Variants in MCF2L2 observed in about 807,000 individuals in gnomAD.
MCF2L2 encodes probable guanine nucleotide exchange factor MCF2L2.
Under a neutral mutation model 150.2 loss-of-function variants are expected in MCF2L2, and 102 were observed. The observed-to-expected ratio is 0.68, with a 90% CI of 0.58 to 0.80. MCF2L2 has a LOEUF of 0.80. Ranked by LOEUF, MCF2L2 falls within the 30% of genes least tolerant of loss-of-function variation. The probability of loss-of-function intolerance (pLI) is 0.00; values close to 1 mark genes in which losing one functional copy is unlikely to be tolerated. For missense variants in MCF2L2, 1,256 were observed against 1,372.8 expected, an observed-to-expected ratio of 0.91 and a Z score of 1.34; for synonymous variants, 465 against 491.3, an observed-to-expected ratio of 0.95 and a Z score of 0.71.
chr3:183,398,598 T>C (rs1384158054), intron 1 of MCF2L2, among the ~76,000 whole-genome samples: 2 of 152,034 alleles, frequency 1.3e-5, no homozygotes, highest in African/African-American at 4.8e-5. Flanking sequence ...GGACAGTCAG[T>C]GGAAAAGCAA....
intron 14 of MCF2L2, among the ~76,000 whole-genome samples, chr3:183,285,010 A>C (rs73066016): frequency 1.1e-3 from 172 of 152,336 alleles, no homozygotes; most frequent in African/African-American, 4.1e-3. Flanking sequence ...AATATTAATA[A>C]AACTTTTGGG....
In MCF2L2 at chr3:183,220,091, G is replaced by A. The variant is rs143610395; in HGVS notation, c.2302-167C>T. 2.7e-3 allele frequency among the ~76,000 whole-genome samples: 407 copies of A among 152,314 alleles called. 2 individuals are homozygous for A. The highest frequency in any genetic ancestry group is 9.1e-3 in the African/African-American group (380 of 41,566). On this transcript the variant is annotated intron_variant, in intron 20 of 29. Coordinates refer to ENST00000328913, the MANE Select transcript of MCF2L2 (RefSeq NM_015078.4). ...GAATAAATGATGTATTTGGCACAGG[G>A]TCCTTTCCACAAACCTAGAATCATA...
chr3:183,294,214 C>T (rs898688697), intron 13 of MCF2L2, among the ~76,000 whole-genome samples: 3 of 152,164 alleles, frequency 2.0e-5, no homozygotes, highest in East Asian at 1.9e-4. Flanking sequence ...GGCATAAGAA[C>T]TTACCTATTT....
At chr3:183,201,078 T>G (rs1415533763) in intron 25 of MCF2L2, among the ~76,000 whole-genome samples, 3 of 152,252 alleles carry the variant, frequency 2.0e-5, no homozygotes, top group Admixed American at 6.5e-5. Flanking sequence ...AGCTTTGTTC[T>G]TTTGGCTTAG....
At chr3:183,411,237 T>C (rs998348046) in intron 1 of MCF2L2, among the ~76,000 whole-genome samples, 10 of 152,350 alleles carry the variant, frequency 6.6e-5, no homozygotes, top group Admixed American at 5.9e-4. Context: ...AAGTTGATTA[T>C]AATAATTATT....
Position 183,428,152 on chromosome 3 carries a change from G to A in MCF2L2, c.-175C>T. 3.4e-6 allele frequency: 2 copies of A among 592,076 alleles called. No individual in the cohort carries two copies. Among genetic ancestry groups the A allele is most frequent in the Non-Finnish European group, 6.0e-6 (2 of 334,818 alleles). 36.7% of individuals were successfully genotyped at this position (592,076 alleles called of 1,614,324 possible). ...GCCTAGGCCAGCTCTCCCTCGCCACGCCCCGCGGGGGCTCCCGTGACAGAC... is the reference window on the plus strand; with the variant it reads ...GCCTAGGCCAGCTCTCCCTCGCCACACCCCGCGGGGGCTCCCGTGACAGAC... On this transcript the variant is annotated 5_prime_UTR_variant, in exon 1 of 30. Coordinates refer to ENST00000328913, the MANE Select transcript of MCF2L2 (RefSeq NM_015078.4). This position sits in a 1 kb window ranked among gnomAD's most constrained non-coding sequence, Gnocchi z 5.1.
chr3:183,194,635 A>T (rs573357017), intron 26 of MCF2L2, among the ~76,000 whole-genome samples: 1 of 152,288 alleles, frequency 6.6e-6, no homozygotes, highest in East Asian at 1.9e-4. Flanking sequence ...GAACTGGCAG[A>T]TCTACCTCAA....
At chr3:183,390,682 A>C (rs780227967) in intron 1 of MCF2L2, among the ~76,000 whole-genome samples, 1 of 152,226 alleles carries the variant, frequency 6.6e-6, no homozygotes, top group Non-Finnish European at 1.5e-5. Flanking sequence ...GGACTATTTG[A>C]GGCCAGAAGT....
intron 15 of MCF2L2, chr3:183,272,181 G>A: frequency 1.0e-6 from 1 of 1,000,256 alleles, no homozygotes; most frequent in South Asian, 4.7e-5. Flanking sequence ...AAAGAGATGT[G>A]TCTGAGATCT....
intron 3 of MCF2L2, among the ~76,000 whole-genome samples, chr3:183,359,946 CTGGAAAACGTGGGTATTG>C (rs1213471315): frequency 6.6e-6 from 1 of 152,148 alleles, no homozygotes; most frequent in Non-Finnish European, 1.5e-5. Context: ...CATCACGAAG[CTGGAAAACGTGGGTATTG>C]AAATTTTTAA....
Position 183,300,141 on chromosome 3 carries a change from C to T in MCF2L2, c.1169G>A (p.Ser390Asn). The change falls in exon 11 of 30, where the codon AGC becomes AAC. Residue 390 changes from serine (S) to asparagine (N), a missense_variant. Ser to Asn is a conservative substitution (Grantham distance 46). Coordinates refer to ENST00000328913, the MANE Select transcript of MCF2L2 (RefSeq NM_015078.4). ...GATGGCATCTGCTGCATAATGGTGGCTTTGGATGAGCTGGTCCCCAACCAG... is the reference window on the plus strand; with the variant it reads ...GATGGCATCTGCTGCATAATGGTGGTTTTGGATGAGCTGGTCCCCAACCAG... Reference protein sequence around the residue: ...LALVGDQLIQSHHYAADAIRP... With the variant: ...LALVGDQLIQNHHYAADAIRP... The T allele has an allele frequency of 6.2e-7, 1 of 1,613,688 alleles. No individual in the cohort carries two copies. The highest frequency in any genetic ancestry group is 8.5e-7 in the Non-Finnish European group (1 of 1,179,916).
At chr3:183,316,501 T>C (rs1419588622) in intron 7 of MCF2L2, among the ~76,000 whole-genome samples, 1 of 148,998 alleles carries the variant, frequency 6.7e-6, no homozygotes, top group African/African-American at 2.5e-5. Context: ...CCTGCCACCA[T>C]GCCCAGCTAA....
At chr3:183,392,338 C>T (rs939990352) in intron 1 of MCF2L2, among the ~76,000 whole-genome samples, 8 of 152,064 alleles carry the variant, frequency 5.3e-5, no homozygotes, top group African/African-American at 1.9e-4. Context: ...ACCTCGGCCA[C>T]GCGTGATAGA....
At chr3:183,354,205 C>T (rs1284341575) in intron 3 of MCF2L2, among the ~76,000 whole-genome samples, 3 of 152,168 alleles carry the variant, frequency 2.0e-5, no homozygotes, top group African/African-American at 4.8e-5. Flanking sequence ...TCTAGTACAG[C>T]GTCACATGAC....
intron 7 of MCF2L2, among the ~76,000 whole-genome samples, chr3:183,315,704 A>G (rs965398673): frequency 1.3e-5 from 2 of 151,970 alleles, no homozygotes; most frequent in African/African-American, 4.8e-5. Flanking sequence ...GTTCTTTCCC[A>G]CCTTTTTACC....
chr3:183,370,580 A>C (rs1453579167), intron 3 of MCF2L2, among the ~76,000 whole-genome samples: 3 of 152,270 alleles, frequency 2.0e-5, no homozygotes, highest in African/African-American at 7.2e-5. Flanking sequence ...AGAATAGATG[A>C]CGCAAAGGCA....
intron 27 of MCF2L2, among the ~76,000 whole-genome samples, chr3:183,191,128 G>A (rs1318827876): frequency 2.6e-5 from 4 of 151,892 alleles, no homozygotes; most frequent in African/African-American, 4.8e-5. Context: ...CGCCCACCTC[G>A]GCCTCCCAAA....
chr3:183,282,951 AC>A (rs995445859), intron 14 of MCF2L2, among the ~76,000 whole-genome samples: 96 of 151,652 alleles, frequency 6.3e-4, no homozygotes, highest in African/African-American at 2.2e-3. Context: ...AATCTATGAG[AC>A]CCCCCACAAC....
At chr3:183,398,584 G>T (rs571487650) in intron 1 of MCF2L2, among the ~76,000 whole-genome samples, 1 of 151,916 alleles carries the variant, frequency 6.6e-6, no homozygotes, top group South Asian at 2.1e-4. Flanking sequence ...AAAAAAGGGA[G>T]GAGGGACAGT....
Sources: gnomAD v4.1 joint callset for allele counts (sites outside exome capture counted in the v4.1 genomes callset) on GRCh38, gnomAD v4.1.1 for gene constraint, Gnocchi (gnomAD v3.1) non-coding constraint, MANE v1.5 for transcripts, NCBI Gene and HGNC (gene_info 2026-07-23, HGNC 2026-07-21) for gene names.